OPCML: variants seen among roughly 807,000 people sequenced by gnomAD.
OPCML encodes opioid binding protein/cell adhesion molecule like.
A neutral mutation model predicts 37.8 loss-of-function variants in OPCML; 13 were observed. That is an observed-to-expected ratio of 0.34 (90% CI 0.22 to 0.55). The LOEUF is 0.55. OPCML is among the 20% of genes least tolerant of loss of function. The pLI, the probability that OPCML is intolerant of heterozygous loss-of-function variation, is 0.91. For missense variants in OPCML, 341 were observed against 435.6 expected (o/e 0.78, Z 1.93); for synonymous variants, 176 against 168.8 (o/e 1.04, Z -0.33).
intron 7 of OPCML, 97 bp from the exon 8 acceptor site, chr11:132,420,390 C>G: frequency 6.6e-7 from 1 of 1,506,326 alleles, no homozygotes; most frequent in Non-Finnish European, 8.9e-7. Context: ...TTCCCACCTT[C>G]CACCCTTCCG....
chr11:132,696,274 A>G (rs3016388), intron 2 of OPCML, among the ~76,000 whole-genome samples: 75,080 of 151,940 alleles, frequency 0.49, 18,720 homozygotes, highest in Admixed American at 0.56. Flanking sequence ...GAAACTCAGT[A>G]GGAAGAAGGA....
chr11:132,920,600 C>G (rs942306750), intron 2 of OPCML, among the ~76,000 whole-genome samples: 1 of 152,160 alleles, frequency 6.6e-6, no homozygotes, highest in African/African-American at 2.4e-5. Flanking sequence ...ACAGCCGCGG[C>G]CCCTGGGAGA....
At chr11:133,057,416 T>C (rs1002570851) in intron 1 of OPCML, among the ~76,000 whole-genome samples, 23 of 152,254 alleles carry the variant, frequency 1.5e-4, no homozygotes, top group African/African-American at 5.5e-4. Context: ...CCAGTTCCAG[T>C]CTCTGCCCTT....
At chr11:133,399,133 C>T (rs1198746909) in intron 1 of OPCML, among the ~76,000 whole-genome samples, 1 of 152,062 alleles carries the variant, frequency 6.6e-6, no homozygotes, top group Non-Finnish European at 1.5e-5. Flanking sequence ...TAAATTCCCC[C>T]TCCCCCAGCA....
At chr11:133,370,718 A>G (rs2136750311) in intron 1 of OPCML, among the ~76,000 whole-genome samples, 1 of 152,306 alleles carries the variant, frequency 6.6e-6, no homozygotes, top group Middle Eastern at 3.4e-3. Context: ...CTGTAAAACT[A>G]CTAGAAGAAA....
In OPCML at chr11:132,776,585, C is replaced by T. The variant is rs140012042; in HGVS notation, c.147-119266G>A. On this transcript the variant is annotated intron_variant, in intron 2 of 7. Transcript: ENST00000524381. ...GTAGCACTTCCCCCTCTCTCTCTCT[C>T]GCCCCTGCTTGGGCCACATGACATG... is the stretch of plus-strand genomic sequence containing the variant. Among the ~76,000 whole-genome samples, 481 of 152,020 alleles carry T rather than the reference C, an allele frequency of 3.2e-3. 1 individual carries two copies. Among genetic ancestry groups the T allele is most frequent in the African/African-American group, 8.0e-3 (331 of 41,454 alleles).
intron 2 of OPCML, among the ~76,000 whole-genome samples, chr11:132,921,838 C>T (rs1398331977): frequency 6.6e-6 from 1 of 152,132 alleles, no homozygotes; most frequent in African/African-American, 2.4e-5. Flanking sequence ...AACTGCCTCG[C>T]TCTAGCACCT....
intron 2 of OPCML, among the ~76,000 whole-genome samples, chr11:132,855,780 A>G (rs1417996199): frequency 6.6e-6 from 1 of 152,184 alleles, no homozygotes; most frequent in African/African-American, 2.4e-5. Flanking sequence ...TGAAATAAAT[A>G]TTTGCTTTAT....
At chr11:132,758,798 C>T (rs889045200) in intron 2 of OPCML, among the ~76,000 whole-genome samples, 4 of 152,152 alleles carry the variant, frequency 2.6e-5, no homozygotes, top group Non-Finnish European at 5.9e-5. Context: ...TTATTTCTTG[C>T]TCTTGCCTGA....
chr11:133,047,433 T>G (rs1354571506), intron 1 of OPCML, among the ~76,000 whole-genome samples: 1 of 152,246 alleles, frequency 6.6e-6, no homozygotes, highest in Non-Finnish European at 1.5e-5. Context: ...TATTTATTAT[T>G]CAATAATTGT....
At position 132,715,660 on chromosome 11, in the gene OPCML, C is replaced by T. The variant is rs560180780; in HGVS notation, c.147-58341G>A. On this transcript the variant is annotated intron_variant, in intron 2 of 7. Coordinates refer to ENST00000524381, the MANE Select transcript of OPCML (RefSeq NM_001012393.5). ...TGTGAGGTTACAATGAGAAGATGGC[C>T]GTCTGCAACCTGGAAGGGTGTCCTC... Among the ~76,000 whole-genome samples the T allele has an allele frequency of 1.1e-3, 168 of 152,234 alleles. 1 individual carries two copies. Among genetic ancestry groups the T allele is most frequent in the Non-Finnish European group, 1.6e-4 (11 of 68,020 alleles).
At chr11:132,941,354 T>A (rs573580084) in intron 2 of OPCML, among the ~76,000 whole-genome samples, 1 of 152,278 alleles carries the variant, frequency 6.6e-6, no homozygotes, top group East Asian at 1.9e-4. Context: ...ACGACTGAGA[T>A]CCTATTCAAT....
chr11:132,860,883 C>T (rs940366799), intron 2 of OPCML: 5 of 152,170 alleles, frequency 3.3e-5, no homozygotes, highest in Non-Finnish European at 4.4e-5. Context: ...TCAGTAAATA[C>T]TTGTTTACTC....
At chr11:133,422,991 C>A (rs766591008) in intron 1 of OPCML, 28 of 985,232 alleles carry the variant, frequency 2.8e-5, no homozygotes, top group Non-Finnish European at 3.4e-5. Context: ...GTACAAAGTG[C>A]CTTACTTCCT....
chr11:132,932,163 G>A (rs1014934175), intron 2 of OPCML, among the ~76,000 whole-genome samples: 2 of 152,156 alleles, frequency 1.3e-5, no homozygotes, highest in Admixed American at 6.5e-5. Context: ...AGGGAAGAAT[G>A]GGGAGTTATT....
chr11:132,445,103 TC>T (rs1031266363), intron 4 of OPCML, among the ~76,000 whole-genome samples: 8 of 152,290 alleles, frequency 5.3e-5, no homozygotes, highest in Middle Eastern at 3.4e-3. Flanking sequence ...CTTGCCCCCA[TC>T]CAGGGCGGCC....
At chr11:133,125,874 GACACATGTATATAGTATAT>G (rs201814257) in intron 1 of OPCML, among the ~76,000 whole-genome samples, 9,707 of 135,386 alleles carry the variant, frequency 0.072, 726 homozygotes, top group East Asian at 0.11. Context: ...TGTATATATA[GACACATGTATATAGTATAT>G]ACACATGTAT....
At chr11:133,355,974 T>A (rs1944280261) in intron 1 of OPCML, among the ~76,000 whole-genome samples, 1 of 152,150 alleles carries the variant, frequency 6.6e-6, no homozygotes, top group African/African-American at 2.4e-5. Flanking sequence ...GAGTGGGCAT[T>A]CAGAATAACC....
chr11:132,736,355 G>A (rs1357499972), intron 2 of OPCML, among the ~76,000 whole-genome samples: 1 of 152,170 alleles, frequency 6.6e-6, no homozygotes, highest in Non-Finnish European at 1.5e-5. Context: ...ATCAGACACT[G>A]TAATGGGGTA....
Sources: gnomAD v4.1 joint callset for allele counts (sites outside exome capture counted in the v4.1 genomes callset) on GRCh38, gnomAD v4.1.1 for gene constraint, MANE v1.5 for transcripts, NCBI Gene and HGNC (gene_info 2026-07-23, HGNC 2026-07-21) for gene names.